The following ITGAE variants were observed in gnomAD, a reference collection of about 807,000 sequenced individuals.
ITGAE encodes integrin subunit alpha E, also known as integrin alpha-E.
ITGAE carries 99 observed loss-of-function variants against 136.5 expected under a neutral mutation model. The observed-to-expected ratio is 0.73, with a 90% confidence interval of 0.62 to 0.86. ITGAE has a LOEUF of 0.86. ITGAE is among the 40% of genes least tolerant of loss of function. The pLI is 0.00. For synonymous variants in ITGAE, 613 were observed against 591.8 expected (o/e 1.04, Z -0.52); for missense variants, 1,447 against 1,515.3 (o/e 0.95, Z 0.75).
chr17:3,715,228 AC>A (rs766209298), intron 30 of ITGAE, among the ~76,000 whole-genome samples: 1 of 152,348 alleles, frequency 6.6e-6, no homozygotes, highest in East Asian at 1.9e-4. Context: ...TTTCGGCTGT[AC>A]TGGATCTAAT....
At chr17:3,762,591 T>A (rs1411936756) in intron 3 of ITGAE, among the ~76,000 whole-genome samples, 2 of 126,268 alleles carry the variant, frequency 1.6e-5, no homozygotes, top group Non-Finnish European at 3.4e-5. Context: ...AGACAAGGAT[T>A]TTTTTTTTTT....
intron 14 of ITGAE, 61 bp from the exon 15 acceptor site, chr17:3,751,935 C>T: frequency 7.3e-7 from 1 of 1,371,040 alleles, no homozygotes; most frequent in Non-Finnish European, 1.0e-6. Context: ...ACTCCATTGC[C>T]ACCCCGATGC....
Position 3,724,521 on chromosome 17 carries a change from G to T in ITGAE, c.3085-777C>A, listed in dbSNP as rs751512859. The stretch of plus-strand genomic sequence containing the variant: ...CTCGATCGGCACCTCCGCCTGTCTG[G>T]TTGCAGCCTCAGCCGTCCCGAGCGG... On this transcript the variant is annotated intron_variant, in intron 26 of 30. Transcript: ENST00000263087. The T allele has an allele frequency of 9.9e-6, 16 of 1,613,946 alleles. No homozygotes were observed. The highest frequency in any genetic ancestry group is 1.7e-5 in the Admixed American group (1 of 60,008).
chr17:3,746,003 A>G lies in ITGAE; in HGVS notation c.2156-76T>C, dbSNP rs535681388. ...AGACAGAAGGCCCCCAGCCTGCCTG[A>G]GGTTCCTTGTGGCCCCTCCTGAACA... On this transcript the variant is annotated intron_variant, in intron 17 of 30. Transcript: ENST00000263087. 30 of 1,409,072 alleles carry G rather than the reference A, an allele frequency of 2.1e-5. 1 individual carries two copies. The Admixed American group carries it at 5.3e-4, about 25-fold the overall frequency. 87.3% of individuals were successfully genotyped at this position (1,409,072 alleles called of 1,614,324 possible).
At chr17:3,725,486 A>T in intron 26 of ITGAE, 1 of 1,614,202 alleles carries the variant, frequency 6.2e-7, no homozygotes, top group Non-Finnish European at 8.5e-7. Flanking sequence ...CTATTGAAGG[A>T]CCAGATTTAG....
chr17:3,793,839 C>T (rs919953652), intron 1 of ITGAE, among the ~76,000 whole-genome samples: 2 of 152,108 alleles, frequency 1.3e-5, no homozygotes, highest in African/African-American at 4.8e-5. Context: ...AGCCACTGCA[C>T]CTGGCCCCCT....
chr17:3,745,615 G>A, intron 18 of ITGAE, 149 bp downstream of exon 18: 1 of 768,536 alleles, frequency 1.3e-6, no homozygotes. Context: ...GTGCTGGGAT[G>A]ACAGGCGTGA....
Position 3,731,131 on chromosome 17 carries a change from G to A in ITGAE, c.2807C>T (p.Thr936Ile), listed in dbSNP as rs781384588. 1.1e-5 allele frequency: 17 copies of A among 1,613,630 alleles called. No individual in the cohort carries two copies. The highest frequency in any genetic ancestry group is 1.4e-5 in the Non-Finnish European group (16 of 1,179,718). ...GGTGACAGTCACAGTGATGTCTGCTGTCCTGTTTGGAAAGGCATTCTCCTC... is the reference window on the plus strand; with the variant it reads ...GGTGACAGTCACAGTGATGTCTGCTATCCTGTTTGGAAAGGCATTCTCCTC... Reference protein sequence around the residue: ...QLEENAFPNRTADITVTVTNS... With the variant: ...QLEENAFPNRIADITVTVTNS... The change falls in exon 23 of 31, where the codon ACA becomes ATA. Residue 936 changes from threonine (T) to isoleucine (I), a missense_variant. By Grantham distance (89) the Thr-to-Ile change is moderately conservative. Coordinates refer to ENST00000263087, the MANE Select transcript of ITGAE (RefSeq NM_002208.5).
At chr17:3,781,915 G>A (rs1229280574) in intron 1 of ITGAE, among the ~76,000 whole-genome samples, 1 of 151,850 alleles carries the variant, frequency 6.6e-6, no homozygotes, top group African/African-American at 2.4e-5. Flanking sequence ...TTAGTCTCCT[G>A]GCCTCTTTCA....
At chr17:3,725,037 C>T in intron 26 of ITGAE, 3 of 1,614,206 alleles carry the variant, frequency 1.9e-6, no homozygotes, top group Non-Finnish European at 1.7e-6. Flanking sequence ...AGATTCGTTC[C>T]CCACCCAGGA....
chr17:3,788,377 C>G (rs185536092), intron 1 of ITGAE, among the ~76,000 whole-genome samples: 46 of 151,428 alleles, frequency 3.0e-4, no homozygotes, highest in African/African-American at 1.1e-3. Context: ...GCAGCCTCAA[C>G]TTCCTGGGCT....
At chr17:3,797,157 ATTTTTTTTTT>A (rs56101818) in intron 1 of ITGAE, among the ~76,000 whole-genome samples, 20 of 94,436 alleles carry the variant, frequency 2.1e-4, no homozygotes, top group Middle Eastern at 0.014. Flanking sequence ...ATATATATAT[ATTTTTTTTTT>A]TTTTTTTTTT....
At chr17:3,722,993 G>C (rs868814508) in intron 28 of ITGAE, among the ~76,000 whole-genome samples, 3 of 152,208 alleles carry the variant, frequency 2.0e-5, no homozygotes, top group African/African-American at 7.2e-5. Context: ...GGAGAGAAGT[G>C]AATGGGTTTA....
At position 3,731,272 on chromosome 17, in the gene ITGAE, G is replaced by C. The variant is rs187139061; in HGVS notation, c.2755-89C>G. On this transcript the variant is annotated intron_variant, in intron 22 of 30. Coordinates refer to ENST00000263087, the MANE Select transcript of ITGAE (RefSeq NM_002208.5). ...AGCTACTCGTGGAACAGACCTAGGA[G>C]ACGATTCCTCAGATTTTCACATTCC... The C allele has an allele frequency of 2.5e-5, 23 of 908,936 alleles. No homozygotes were observed. The Admixed American group carries it at 4.4e-4, about 17-fold the overall frequency. 56.3% of individuals were successfully genotyped at this position (908,936 alleles called of 1,614,324 possible).
At chr17:3,789,749 C>G (rs1430868023) in intron 1 of ITGAE, among the ~76,000 whole-genome samples, 3 of 152,152 alleles carry the variant, frequency 2.0e-5, no homozygotes, top group African/African-American at 7.2e-5. Flanking sequence ...AATCTGCCCC[C>G]ACTTGGCCTC....
At chr17:3,789,209 A>T (rs1335750203) in intron 1 of ITGAE, among the ~76,000 whole-genome samples, 1 of 152,086 alleles carries the variant, frequency 6.6e-6, no homozygotes, top group Non-Finnish European at 1.5e-5. Flanking sequence ...ATCACACCAC[A>T]GCACTCCAGC....
intron 1 of ITGAE, among the ~76,000 whole-genome samples, chr17:3,779,902 C>T (rs1401609048): frequency 6.6e-6 from 1 of 152,174 alleles, no homozygotes; most frequent in Non-Finnish European, 1.5e-5. Flanking sequence ...TTATCTCCCC[C>T]AGTGTTGCCT....
In ITGAE at chr17:3,745,883, C is replaced by T; in HGVS notation, c.2200G>A (p.Gly734Arg). 6.2e-7 allele frequency: 1 copy of T among 1,614,006 alleles called. No homozygotes were observed. The highest frequency in any genetic ancestry group is 8.5e-7 in the Non-Finnish European group (1 of 1,180,010). ...CACTGCAGCCGTCTCCTCTGCTTCCCCACATCCACATCCAGCGTGAAGTTG... is the reference window on the plus strand; with the variant it reads ...CACTGCAGCCGTCTCCTCTGCTTCCTCACATCCACATCCAGCGTGAAGTTG... ...LLNFTLDVDV[G>R]KQRRRLQCSD... Residue 734 changes from glycine (G) to arginine (R), a missense_variant, in exon 18 of 31, where the codon GGG (glycine) becomes AGG (arginine). By Grantham distance (125) the Gly-to-Arg change is moderately radical. This residue lies in a region of ITGAE where 1,031 missense variants were observed against 1,011.4 expected (regional missense o/e 1.02). Transcript: ENST00000263087.
At chr17:3,734,742 G>T in intron 21 of ITGAE, 75 bp downstream of exon 21, 4 of 1,576,262 alleles carry the variant, frequency 2.5e-6, no homozygotes, top group Non-Finnish European at 3.5e-6. Flanking sequence ...CAGTGAGGGG[G>T]CCACCACAGA....
Sources: gnomAD v4.1 joint callset for allele counts (sites outside exome capture counted in the v4.1 genomes callset) on GRCh38, gnomAD v4.1.1 for gene constraint, gnomAD v4.1.1 regional missense constraint, MANE v1.5 for transcripts, NCBI Gene and HGNC (gene_info 2026-07-23, HGNC 2026-07-21) for gene names.